Variants in MORC1 observed in about 807,000 individuals in gnomAD.
MORC1 encodes MORC family CW-type zinc finger 1, also known as MORC family CW-type zinc finger protein 1.
MORC1 carries 59 observed loss-of-function variants against 134.9 expected under a neutral mutation model. That is an observed-to-expected ratio of 0.44 (90% CI 0.35 to 0.54). MORC1 has a LOEUF of 0.54. Ranked by LOEUF, MORC1 falls within the 20% of genes least tolerant of loss-of-function variation. MORC1 has a pLI of 0.00. For synonymous variants in MORC1, 395 were observed against 391.7 expected, an observed-to-expected ratio of 1.01 and a Z score of -0.10; for missense variants, 947 against 1,134.5, an observed-to-expected ratio of 0.83 and a Z score of 2.37.
At chr3:109,116,355 T>A (rs577345889) in intron 1 of MORC1, among the ~76,000 whole-genome samples, 1 of 152,160 alleles carries the variant, frequency 6.6e-6, no homozygotes, top group Non-Finnish European at 1.5e-5. Flanking sequence ...TCAGTGGCAG[T>A]GGAGACAGAG....
At chr3:109,046,750 ATG>A (rs1436487219) in intron 14 of MORC1, among the ~76,000 whole-genome samples, 1 of 152,234 alleles carries the variant, frequency 6.6e-6, no homozygotes, top group Admixed American at 6.5e-5. Context: ...AGTATACAAC[ATG>A]TGTTATAGGA....
intron 18 of MORC1, among the ~76,000 whole-genome samples, chr3:109,006,574 TCTAA>T: frequency 6.6e-6 from 1 of 152,256 alleles, no homozygotes; most frequent in South Asian, 2.1e-4. Flanking sequence ...ACTGAGAAGC[TCTAA>T]CTAAAGGCTC....
At chr3:108,994,752 A>G (rs983717601) in intron 21 of MORC1, among the ~76,000 whole-genome samples, 6 of 151,900 alleles carry the variant, frequency 3.9e-5, no homozygotes, top group African/African-American at 1.5e-4. Flanking sequence ...AACTTCTCCA[A>G]CTGCTGGCAT....
intron 20 of MORC1, among the ~76,000 whole-genome samples, chr3:109,004,458 A>G (rs1007332808): frequency 1.3e-5 from 2 of 152,216 alleles, no homozygotes; most frequent in Admixed American, 1.3e-4. Flanking sequence ...GTAAATGCCC[A>G]TTCAATTGTA....
chr3:109,117,353 A>AG (rs71129022), intron 1 of MORC1, among the ~76,000 whole-genome samples: 1 of 139,126 alleles, frequency 7.2e-6, no homozygotes, highest in African/African-American at 2.6e-5. Flanking sequence ...AAAAAAAAAA[A>AG]GAAACATAAA....
intron 26 of MORC1, among the ~76,000 whole-genome samples, chr3:108,966,352 TA>T (rs1218608779): frequency 6.6e-6 from 1 of 152,178 alleles, no homozygotes; most frequent in Non-Finnish European, 1.5e-5. Context: ...TTGTGCAAAG[TA>T]AGGAAGGCCT....
chr3:109,021,456 C>T (rs1490987305), intron 17 of MORC1, among the ~76,000 whole-genome samples: 2 of 152,234 alleles, frequency 1.3e-5, no homozygotes, highest in Non-Finnish European at 2.9e-5. Flanking sequence ...CTGCCTGCAA[C>T]TGTCAAAGCT....
intron 9 of MORC1, among the ~76,000 whole-genome samples, chr3:109,066,400 C>T (rs935100266): frequency 6.6e-6 from 1 of 151,992 alleles, no homozygotes; most frequent in Admixed American, 6.6e-5. Flanking sequence ...AGTCTCCTGC[C>T]TCAGCCTCTG....
chr3:109,069,081 G>A (rs1950259889), intron 9 of MORC1, among the ~76,000 whole-genome samples: 1 of 152,176 alleles, frequency 6.6e-6, no homozygotes, highest in African/African-American at 2.4e-5. Context: ...ACATGAACCA[G>A]GGAGGCAGAG....
Position 108,963,398 on chromosome 3 carries a change from C to T in MORC1, c.2799+16G>A. On this transcript the variant is annotated intron_variant, in intron 27 of 27. Transcript: ENST00000232603. ...AGAGTCTACTCCTACTGCTCAAATA[C>T]AACTTTTTCACTCACCAGTTGGAGT... The T allele has an allele frequency of 6.2e-7, 1 of 1,602,468 alleles. No individual in the cohort carries two copies. Among genetic ancestry groups the T allele is most frequent in the Non-Finnish European group, 8.5e-7 (1 of 1,174,758 alleles).
chr3:109,037,057 G>A (rs1337453345), intron 14 of MORC1, among the ~76,000 whole-genome samples: 1 of 152,142 alleles, frequency 6.6e-6, no homozygotes, highest in Non-Finnish European at 1.5e-5. Context: ...CTGGAATTAG[G>A]TAGATTCACA....
intron 11 of MORC1, 72 bp from the exon 12 acceptor site, chr3:109,059,942 ATTATCCAAATG>A: frequency 7.8e-7 from 1 of 1,288,802 alleles, no homozygotes; most frequent in Non-Finnish European, 1.1e-6. Context: ...ATATTATCCT[ATTATCCAAATG>A]TTTCAAGGGT....
intron 26 of MORC1, among the ~76,000 whole-genome samples, chr3:108,966,571 AG>A (rs1947226278): frequency 6.6e-6 from 1 of 152,222 alleles, no homozygotes; most frequent in Non-Finnish European, 1.5e-5. Context: ...CTAACTGAGG[AG>A]AAAGTGAAAT....
chr3:109,087,497 A>C (rs1447357166), intron 8 of MORC1, among the ~76,000 whole-genome samples: 9 of 152,158 alleles, frequency 5.9e-5, no homozygotes. Context: ...AGAATAAAAT[A>C]CCTAGAAATA....
chr3:109,114,335 TTA>T, intron 2 of MORC1, 47 bp downstream of exon 2: 1 of 1,482,284 alleles, frequency 6.7e-7, no homozygotes, highest in Non-Finnish European at 9.3e-7. Context: ...TAGACAAGAG[TTA>T]TGTCATGAAA....
intron 1 of MORC1, among the ~76,000 whole-genome samples, chr3:109,116,133 C>G (rs1402521125): frequency 1.3e-5 from 2 of 152,148 alleles, no homozygotes; most frequent in African/African-American, 4.8e-5. Flanking sequence ...TCCTAGCCCA[C>G]AGAGAAGAGC....
intron 16 of MORC1, 42 bp from the exon 17 acceptor site, chr3:109,027,931 TA>T: frequency 6.3e-7 from 1 of 1,591,492 alleles, no homozygotes; most frequent in South Asian, 1.1e-5. Flanking sequence ...AGGAGAAATA[TA>T]AAACTACTTA....
At position 109,009,351 on chromosome 3, in the gene MORC1, G is replaced by A. The variant is rs143877661; in HGVS notation, c.1705-2260C>T. 1.9e-4 allele frequency among the ~76,000 whole-genome samples: 29 copies of A among 151,888 alleles called. No individual in the cohort carries two copies. In the East Asian group the frequency reaches 4.5e-3, roughly 23 times the overall value. ...CTCCCAAGTAGCTGGGACTACAGGCGCATGCCACCACGCCCAGCTAATTTT... is the reference window on the plus strand; with the variant it reads ...CTCCCAAGTAGCTGGGACTACAGGCACATGCCACCACGCCCAGCTAATTTT... On this transcript the variant is annotated intron_variant, in intron 17 of 27. Coordinates refer to ENST00000232603, the MANE Select transcript of MORC1 (RefSeq NM_014429.4).
intron 20 of MORC1, among the ~76,000 whole-genome samples, chr3:109,003,661 G>A (rs1278661200): frequency 6.6e-6 from 1 of 152,044 alleles, no homozygotes; most frequent in Non-Finnish European, 1.5e-5. Flanking sequence ...AACACAGCAA[G>A]GGTTGAATAT....
Sources: gnomAD v4.1 joint callset for allele counts (sites outside exome capture counted in the v4.1 genomes callset) on GRCh38, gnomAD v4.1.1 for gene constraint, MANE v1.5 for transcripts, NCBI Gene and HGNC (gene_info 2026-07-23, HGNC 2026-07-21) for gene names.